Variants in GAP43 observed in about 807,000 individuals in gnomAD.
GAP43 encodes growth associated protein 43.
Under a neutral mutation model 18.6 loss-of-function variants are expected in GAP43, and 6 were observed. The ratio of observed to expected loss-of-function variants is 0.32; its 90% CI spans 0.18 to 0.64. The LOEUF is 0.64. GAP43 is among the 30% of genes least tolerant of loss of function. The pLI, the probability that GAP43 is intolerant of heterozygous loss-of-function variation, is 0.78. For synonymous variants in GAP43, 115 were observed against 111.4 expected, an observed-to-expected ratio of 1.03 and a Z score of -0.20; for missense variants, 292 against 295.5, an observed-to-expected ratio of 0.99 and a Z score of 0.09.
In GAP43 at chr3:115,623,656, A is replaced by G. The variant is rs751982739; in HGVS notation, c.-34A>G. The G allele has an allele frequency of 6.2e-7, 1 of 1,613,460 alleles. No homozygotes were observed. The highest frequency in any genetic ancestry group is 8.5e-7 in the Non-Finnish European group (1 of 1,179,522). On this transcript the variant is annotated 5_prime_UTR_variant, in exon 1 of 3. Transcript: ENST00000305124. ...TAAGAAAGAGAGAGAAGGAAAGGAG[A>G]GAAGGCAGGAAGAAGGCAAGGGACG...
chr3:115,685,136 T>G (rs1338908773), intron 2 of GAP43, among the ~76,000 whole-genome samples: 1 of 152,188 alleles, frequency 6.6e-6, no homozygotes. Context: ...GAAAGTTTAG[T>G]GTTACTCAGG....
intron 2 of GAP43, among the ~76,000 whole-genome samples, chr3:115,693,217 G>A (rs981999400): frequency 6.6e-6 from 1 of 152,182 alleles, no homozygotes; most frequent in African/African-American, 2.4e-5. Flanking sequence ...GTTCTCTCCA[G>A]GCCTCCCTCT....
chr3:115,687,268 T>G (rs1709047155), intron 2 of GAP43, among the ~76,000 whole-genome samples: 1 of 152,220 alleles, frequency 6.6e-6, no homozygotes, highest in Non-Finnish European at 1.5e-5. Flanking sequence ...CGATCTCATT[T>G]ACTGTAAGCT....
At position 115,676,564 on chromosome 3, in the gene GAP43, G is replaced by C. The variant is rs1211989482; in HGVS notation, c.582G>C (p.Gln194His). ...AEDAAAKATA[Q>H]PPTETGESSQ... ...ATGCTGCTGCCAAGGCAACAGCCCA[G>C]CCTCCAACGGAGACTGGGGAGAGCA... Residue 194 changes from glutamine (Q) to histidine (H), a missense_variant, in exon 2 of 3, where the codon CAG (glutamine) becomes CAC (histidine). By Grantham distance (24) the Gln-to-His change is conservative. Transcript: ENST00000305124. 6.2e-7 allele frequency: 1 copy of C among 1,611,770 alleles called. No homozygotes were observed. Among genetic ancestry groups the C allele is most frequent in the Non-Finnish European group, 8.5e-7 (1 of 1,179,704 alleles).
intron 1 of GAP43, among the ~76,000 whole-genome samples, chr3:115,643,904 G>T (rs1708428320): frequency 6.6e-6 from 1 of 151,984 alleles, no homozygotes; most frequent in Non-Finnish European, 1.5e-5. Context: ...TTTATTGAAT[G>T]AATATATGAA....
Position 115,720,775 on chromosome 3 carries a change from A to T in GAP43, c.629-19A>T. On this transcript the variant is annotated intron_variant, in intron 2 of 2. Transcript: ENST00000305124. ...AATTCTCTCCTTTTCCCCCCATCCT[A>T]TCTTGTTTTCTTTCTCAGAAGCTGT... 6.3e-7 allele frequency: 1 copy of T among 1,578,522 alleles called. No individual in the cohort carries two copies. Among genetic ancestry groups the T allele is most frequent in the Non-Finnish European group, 8.7e-7 (1 of 1,148,788 alleles).
intron 2 of GAP43, among the ~76,000 whole-genome samples, chr3:115,697,822 T>G (rs1362751513): frequency 1.3e-5 from 2 of 151,284 alleles, no homozygotes; most frequent in African/African-American, 4.9e-5. Context: ...AATTTTCCAC[T>G]TATAAATTAT....
At chr3:115,655,367 T>TA (rs1248511951) in intron 1 of GAP43, among the ~76,000 whole-genome samples, 1 of 152,240 alleles carries the variant, frequency 6.6e-6, no homozygotes, top group Admixed American at 6.5e-5. Context: ...TTGTTGTAGA[T>TA]ACTTGCTTTT....
intron 2 of GAP43, among the ~76,000 whole-genome samples, chr3:115,703,172 CTG>C (rs1485200276): frequency 6.6e-6 from 1 of 152,020 alleles, no homozygotes; most frequent in Non-Finnish European, 1.5e-5. Context: ...AAGGAGAACA[CTG>C]TTATTAAAAA....
chr3:115,690,754 TTTC>T (rs1308497150), intron 2 of GAP43, among the ~76,000 whole-genome samples: 19 of 145,392 alleles, frequency 1.3e-4, no homozygotes, highest in African/African-American at 4.4e-4. Flanking sequence ...TTTTTCTTTC[TTTC>T]TTTTTTTTTT....
At chr3:115,678,732 G>C (rs1708923280) in intron 2 of GAP43, among the ~76,000 whole-genome samples, 1 of 151,982 alleles carries the variant, frequency 6.6e-6, no homozygotes, top group South Asian at 2.1e-4. Context: ...TAATTAATCA[G>C]ACTTTATCAT....
At chr3:115,677,694 C>T (rs1412793001) in intron 2 of GAP43, among the ~76,000 whole-genome samples, 4 of 152,188 alleles carry the variant, frequency 2.6e-5, no homozygotes, top group East Asian at 3.9e-4. Context: ...AGAAGCGCCT[C>T]GGTTTAACCA....
chr3:115,662,230 T>C (rs947925782), intron 1 of GAP43, among the ~76,000 whole-genome samples: 1 of 152,192 alleles, frequency 6.6e-6, no homozygotes, highest in African/African-American at 2.4e-5. Context: ...AGGTCCTCCC[T>C]GCATACCCAC....
At chr3:115,646,516 A>C (rs1708459339) in intron 1 of GAP43, among the ~76,000 whole-genome samples, 1 of 152,080 alleles carries the variant, frequency 6.6e-6, no homozygotes, top group African/African-American at 2.4e-5. Context: ...CTAATAGGCA[A>C]TATTGCCTAA....
chr3:115,683,919 G>T (rs1308826675), intron 2 of GAP43, among the ~76,000 whole-genome samples: 2 of 151,952 alleles, frequency 1.3e-5, no homozygotes, highest in African/African-American at 4.8e-5. Flanking sequence ...ATGGGCTATT[G>T]AACGTCCCGA....
At chr3:115,640,926 T>C (rs995918200) in intron 1 of GAP43, among the ~76,000 whole-genome samples, 2 of 100,498 alleles carry the variant, frequency 2.0e-5, no homozygotes, top group South Asian at 7.4e-4. Context: ...TCTTTCCTTC[T>C]TTTTTTCCTT....
chr3:115,661,579 C>G (rs556046854), intron 1 of GAP43, among the ~76,000 whole-genome samples: 3 of 152,158 alleles, frequency 2.0e-5, no homozygotes, highest in African/African-American at 7.2e-5. Context: ...AGCTCTGCCT[C>G]CCGGGTTCAC....
intron 2 of GAP43, among the ~76,000 whole-genome samples, chr3:115,683,583 C>T (rs1040240981): frequency 7.8e-6 from 1 of 127,506 alleles, no homozygotes; most frequent in African/African-American, 2.8e-5. Flanking sequence ...AGCCTATAGA[C>T]AGCCATAATT....
chr3:115,684,187 CA>C (rs1290722793), intron 2 of GAP43, among the ~76,000 whole-genome samples: 1 of 152,084 alleles, frequency 6.6e-6, no homozygotes, highest in Non-Finnish European at 1.5e-5. Flanking sequence ...GGCACATATA[CA>C]GTGAAATAAC....
Sources: gnomAD v4.1 joint callset for allele counts (sites outside exome capture counted in the v4.1 genomes callset) on GRCh38, gnomAD v4.1.1 for gene constraint, MANE v1.5 for transcripts, NCBI Gene and HGNC (gene_info 2026-07-23, HGNC 2026-07-21) for gene names.